Variants in CACNB4 observed in about 807,000 individuals in gnomAD.
CACNB4 encodes the protein voltage-dependent L-type calcium channel subunit beta-4.
CACNB4 carries 32 observed loss-of-function variants against 71.2 expected under a neutral mutation model. That is an observed-to-expected ratio of 0.45 (90% CI 0.34 to 0.60). The LOEUF (loss-of-function observed/expected upper bound fraction) is 0.60, where lower values mean the gene tolerates loss of function less well. CACNB4 is among the 20% of genes least tolerant of loss of function. The pLI is 0.01. For missense variants in CACNB4, 464 were observed against 647.9 expected, an observed-to-expected ratio of 0.72 and a Z score of 3.08; for synonymous variants, 231 against 236.9, an observed-to-expected ratio of 0.97 and a Z score of 0.23.
At chr2:152,010,381 G>A (rs1233190483) in intron 2 of CACNB4, among the ~76,000 whole-genome samples, 1 of 152,212 alleles carries the variant, frequency 6.6e-6, no homozygotes, top group Non-Finnish European at 1.5e-5. Context: ...AACGTGGAAG[G>A]CTTTGGGACT....
chr2:152,067,386 T>TG (rs1443764347), intron 2 of CACNB4, among the ~76,000 whole-genome samples: 29 of 141,612 alleles, frequency 2.0e-4, no homozygotes, highest in African/African-American at 7.7e-4. Flanking sequence ...GATGTGTGTG[T>TG]GTGGGGGGGG....
intron 2 of CACNB4, among the ~76,000 whole-genome samples, chr2:151,980,393 A>G (rs1054895589): frequency 2.0e-5 from 3 of 151,880 alleles, no homozygotes; most frequent in African/African-American, 7.3e-5. Flanking sequence ...CCTTCCCACC[A>G]CTGGGCTTTG....
At chr2:152,039,272 C>T (rs1231630868) in intron 2 of CACNB4, among the ~76,000 whole-genome samples, 1 of 151,960 alleles carries the variant, frequency 6.6e-6, no homozygotes, top group Non-Finnish European at 1.5e-5. Context: ...CAAAAATTAG[C>T]CAGGTGTGGT....
intron 2 of CACNB4, among the ~76,000 whole-genome samples, chr2:151,910,810 A>C (rs2099855982): frequency 6.6e-6 from 1 of 152,146 alleles, no homozygotes; most frequent in Non-Finnish European, 1.5e-5. Context: ...TGAAATTTAA[A>C]ATAGTTTTTT....
chr2:152,098,487 T>C lies in CACNB4; in HGVS notation c.64-74A>G, dbSNP rs1053914443. The C allele has an allele frequency of 6.9e-6, 10 of 1,442,272 alleles. No homozygotes were observed. Among genetic ancestry groups the C allele is most frequent in the Non-Finnish European group, 9.8e-6 (10 of 1,025,112 alleles). The allele number at this position is 1,442,272 out of a possible 1,614,324, so 89.3% of individuals were successfully genotyped here. ...GCAGAGCGGGGCGACCACCCCCGGCTGGAGTCCGCCTCCGGACCCGCTCCC... is the reference window on the plus strand; with the variant it reads ...GCAGAGCGGGGCGACCACCCCCGGCCGGAGTCCGCCTCCGGACCCGCTCCC... On this transcript the variant is annotated intron_variant, in intron 1 of 13. Coordinates refer to ENST00000539935, the MANE Select transcript of CACNB4 (RefSeq NM_000726.5). This position sits in a 1 kb window ranked among gnomAD's most constrained non-coding sequence, Gnocchi z 5.3.
chr2:151,910,885 T>C (rs751759114), intron 2 of CACNB4, among the ~76,000 whole-genome samples: 1 of 152,260 alleles, frequency 6.6e-6, no homozygotes, highest in African/African-American at 2.4e-5. Context: ...TAAATTACTT[T>C]GGACAGTATG....
intron 2 of CACNB4, among the ~76,000 whole-genome samples, chr2:152,062,771 C>T (rs1293223516): frequency 1.3e-5 from 2 of 152,166 alleles, no homozygotes; most frequent in African/African-American, 4.8e-5. Flanking sequence ...GGAGAGGGAA[C>T]TTCCTTAAAG....
chr2:151,959,808 C>G (rs2099869186), intron 2 of CACNB4, among the ~76,000 whole-genome samples: 1 of 152,138 alleles, frequency 6.6e-6, no homozygotes, highest in South Asian at 2.1e-4. Flanking sequence ...TATCAACATA[C>G]TATTCAATCT....
chr2:152,064,170 T>C (rs1217030120), intron 2 of CACNB4, among the ~76,000 whole-genome samples: 2 of 152,162 alleles, frequency 1.3e-5, no homozygotes, highest in Non-Finnish European at 2.9e-5. Flanking sequence ...TCCAAACATC[T>C]CTTAAAATTC....
chr2:152,082,149 A>C (rs1579264148), intron 2 of CACNB4, among the ~76,000 whole-genome samples: 1 of 152,184 alleles, frequency 6.6e-6, no homozygotes, highest in Admixed American at 6.5e-5. Context: ...CATTTCACAA[A>C]TACTTCATCC....
chr2:152,053,644 C>T (rs1321759146), intron 2 of CACNB4, among the ~76,000 whole-genome samples: 1 of 151,902 alleles, frequency 6.6e-6, no homozygotes, highest in African/African-American at 2.4e-5. Context: ...CCACCTGAAC[C>T]TCCAGACTAG....
At chr2:152,090,643 C>CA (rs1181681645) in intron 2 of CACNB4, among the ~76,000 whole-genome samples, 181 of 104,070 alleles carry the variant, frequency 1.7e-3, no homozygotes, top group South Asian at 2.1e-3. Flanking sequence ...AACTCCATCT[C>CA]AAAAAAAAAA....
intron 2 of CACNB4, among the ~76,000 whole-genome samples, chr2:151,888,286 G>C (rs2099849873): frequency 6.6e-6 from 1 of 152,186 alleles, no homozygotes; most frequent in Non-Finnish European, 1.5e-5. Flanking sequence ...ACCAGGCTGG[G>C]CATGGTAGCT....
chr2:151,964,183 G>A (rs914380651), intron 2 of CACNB4, among the ~76,000 whole-genome samples: 2 of 151,130 alleles, frequency 1.3e-5, no homozygotes, highest in African/African-American at 4.9e-5. Flanking sequence ...GCTAAACCAC[G>A]CTGCACAGCA....
chr2:151,903,744 A>G (rs1444496949), intron 2 of CACNB4, among the ~76,000 whole-genome samples: 1 of 152,190 alleles, frequency 6.6e-6, no homozygotes, highest in South Asian at 2.1e-4. Context: ...AGGTAGGTAC[A>G]TACTCTGAAA....
chr2:152,010,173 A>G (rs1449564597), intron 2 of CACNB4, among the ~76,000 whole-genome samples: 2 of 152,198 alleles, frequency 1.3e-5, no homozygotes, highest in African/African-American at 2.4e-5. Context: ...TCTTCGTTGA[A>G]TATGACACAC....
chr2:151,971,374 C>T (rs902826909), intron 2 of CACNB4: 5 of 627,174 alleles, frequency 8.0e-6, no homozygotes, highest in African/African-American at 7.3e-5. Context: ...AACGGTAGGA[C>T]ATATGCGGAT....
At chr2:152,004,638 C>A (rs1418650884) in intron 2 of CACNB4, among the ~76,000 whole-genome samples, 1 of 152,052 alleles carries the variant, frequency 6.6e-6, no homozygotes, top group Admixed American at 6.6e-5. Context: ...GCAGCTGATG[C>A]AGGAAGGAGT....
intron 2 of CACNB4, among the ~76,000 whole-genome samples, chr2:152,021,189 G>A (rs6717790): frequency 1.8e-3 from 272 of 152,318 alleles, no homozygotes; most frequent in African/African-American, 6.3e-3. Flanking sequence ...GGAGGTTGCA[G>A]TGAGCAGAGA....
Sources: gnomAD v4.1 joint callset for allele counts (sites outside exome capture counted in the v4.1 genomes callset) on GRCh38, gnomAD v4.1.1 for gene constraint, Gnocchi (gnomAD v3.1) non-coding constraint, MANE v1.5 for transcripts, NCBI Gene and HGNC (gene_info 2026-07-23, HGNC 2026-07-21) for gene names.